MACROD2: variants seen among roughly 807,000 people sequenced by gnomAD.
The protein encoded by MACROD2 is ADP-ribose glycohydrolase MACROD2.
In MACROD2, 36 loss-of-function variants were observed where a neutral mutation model predicts 70.4. The observed-to-expected ratio is 0.51, with a 90% CI of 0.39 to 0.68. The LOEUF is 0.68. Among genes scored for constraint, MACROD2 ranks in the 30% least tolerant of loss-of-function variants. The pLI, the probability that MACROD2 is intolerant of heterozygous loss-of-function variation, is 0.00. For missense variants in MACROD2, 496 were observed against 538.4 expected, an observed-to-expected ratio of 0.92 and a Z score of 0.78; for synonymous variants, 172 against 178.8, an observed-to-expected ratio of 0.96 and a Z score of 0.30.
intron 16 of MACROD2, among the ~76,000 whole-genome samples, chr20:16,043,013 A>G (rs1436608644): frequency 6.6e-6 from 1 of 152,082 alleles, no homozygotes; most frequent in East Asian, 1.9e-4. Context: ...TGTGCAAATA[A>G]ATGAAAACTG....
At chr20:15,670,332 CAG>C (rs2049962422) in intron 8 of MACROD2, among the ~76,000 whole-genome samples, 1 of 152,168 alleles carries the variant, frequency 6.6e-6, no homozygotes, top group Non-Finnish European at 1.5e-5. Flanking sequence ...TGTTGTCAAA[CAG>C]AGGCAGAAAC....
At chr20:15,507,943 G>A (rs968238287) in intron 8 of MACROD2, among the ~76,000 whole-genome samples, 3 of 152,224 alleles carry the variant, frequency 2.0e-5, no homozygotes, top group Non-Finnish European at 4.4e-5. Flanking sequence ...AGCCAGTGAT[G>A]GGGAGGGCTC....
intron 6 of MACROD2, among the ~76,000 whole-genome samples, chr20:15,413,220 CT>C (rs11482719): frequency 5.7e-4 from 86 of 149,910 alleles, no homozygotes; most frequent in Middle Eastern, 3.5e-3. Flanking sequence ...AAATATAAAA[CT>C]TTTTTTTTTG....
intron 11 of MACROD2, among the ~76,000 whole-genome samples, chr20:15,935,051 T>G (rs1378476775): frequency 1.3e-5 from 2 of 152,184 alleles, no homozygotes; most frequent in Non-Finnish European, 1.5e-5. Context: ...ACACGCACAC[T>G]CACACACACG....
At chr20:14,939,070 G>T (rs1285898914) in intron 5 of MACROD2, among the ~76,000 whole-genome samples, 2 of 151,254 alleles carry the variant, frequency 1.3e-5, no homozygotes, top group Non-Finnish European at 2.9e-5. Context: ...TCTCTTTGGG[G>T]TTGTTTCCTT....
At chr20:14,752,647 T>G (rs930257733) in intron 5 of MACROD2, among the ~76,000 whole-genome samples, 4 of 152,120 alleles carry the variant, frequency 2.6e-5, no homozygotes, top group African/African-American at 9.7e-5. Context: ...TTTAAAATAC[T>G]TCGAGGACTT....
chr20:15,021,010 G>A (rs1466020304), intron 5 of MACROD2, among the ~76,000 whole-genome samples: 1 of 147,020 alleles, frequency 6.8e-6, no homozygotes, highest in African/African-American at 2.5e-5. Context: ...GCATACACAT[G>A]TGTATATGTA....
intron 3 of MACROD2, among the ~76,000 whole-genome samples, chr20:14,237,559 T>C (rs1450077851): frequency 1.3e-5 from 2 of 151,670 alleles, no homozygotes; most frequent in Non-Finnish European, 2.9e-5. Context: ...ATTATTATTA[T>C]ACTTTAAGTT....
intron 5 of MACROD2, among the ~76,000 whole-genome samples, chr20:14,760,780 G>A (rs933837449): frequency 4.6e-5 from 7 of 151,816 alleles, no homozygotes; most frequent in Non-Finnish European, 8.8e-5. Context: ...CCCTTTACCA[G>A]CCAACAACTA....
intron 8 of MACROD2, among the ~76,000 whole-genome samples, chr20:15,665,184 A>G (rs1280112404): frequency 6.6e-6 from 1 of 152,200 alleles, no homozygotes. Flanking sequence ...ATTGTTGAAC[A>G]TTTGAATTAA....
At chr20:14,225,939 TCTTA>T (rs1191607574) in intron 3 of MACROD2, among the ~76,000 whole-genome samples, 2 of 152,178 alleles carry the variant, frequency 1.3e-5, no homozygotes, top group Non-Finnish European at 2.9e-5. Context: ...GGCTGTAACT[TCTTA>T]CTTCCCTGAA....
intron 8 of MACROD2, among the ~76,000 whole-genome samples, chr20:15,517,281 G>T (rs2047581908): frequency 6.6e-6 from 1 of 151,868 alleles, no homozygotes; most frequent in Non-Finnish European, 1.5e-5. Context: ...CACTTATAAG[G>T]CTCTTCCTAA....
intron 5 of MACROD2, among the ~76,000 whole-genome samples, chr20:14,804,047 A>G (rs2072609779): frequency 6.6e-6 from 1 of 152,220 alleles, no homozygotes; most frequent in Non-Finnish European, 1.5e-5. Context: ...AAAATTGAGT[A>G]TCTTCATAGC....
At chr20:15,263,565 A>G (rs2077267628) in intron 6 of MACROD2, among the ~76,000 whole-genome samples, 1 of 152,052 alleles carries the variant, frequency 6.6e-6, no homozygotes, top group African/African-American at 2.4e-5. Flanking sequence ...TTTCTGTGAA[A>G]AACGTCATTG....
At chr20:14,423,641 G>A (rs1433997820) in intron 3 of MACROD2, among the ~76,000 whole-genome samples, 2 of 141,320 alleles carry the variant, frequency 1.4e-5, no homozygotes, top group African/African-American at 5.2e-5. Flanking sequence ...CGGAGCTTGC[G>A]TTGAGCTGAG....
At chr20:14,172,143 T>C (rs1422918582) in intron 3 of MACROD2, among the ~76,000 whole-genome samples, 1 of 152,126 alleles carries the variant, frequency 6.6e-6, no homozygotes, top group Non-Finnish European at 1.5e-5. Context: ...TTGCCTGATA[T>C]AGGAATAGGT....
intron 5 of MACROD2, among the ~76,000 whole-genome samples, chr20:14,797,793 G>C (rs1487222752): frequency 1.3e-5 from 2 of 152,030 alleles, no homozygotes; most frequent in African/African-American, 4.8e-5. Context: ...GATGATGCCT[G>C]CTTTACTTGA....
intron 5 of MACROD2, among the ~76,000 whole-genome samples, chr20:14,713,244 C>A (rs922515295): frequency 1.2e-4 from 19 of 152,136 alleles, no homozygotes; most frequent in Admixed American, 4.6e-4. Flanking sequence ...GCCAGGTGCT[C>A]ACTCAGATTT....
At chr20:14,211,578 T>C (rs1440540287) in intron 3 of MACROD2, among the ~76,000 whole-genome samples, 1 of 152,194 alleles carries the variant, frequency 6.6e-6, no homozygotes, top group Non-Finnish European at 1.5e-5. Context: ...AGTCTGATAG[T>C]ATAGATTGTA....
Sources: gnomAD v4.1 joint callset for allele counts (sites outside exome capture counted in the v4.1 genomes callset) on GRCh38, gnomAD v4.1.1 for gene constraint, MANE v1.5 for transcripts, NCBI Gene and HGNC (gene_info 2026-07-23, HGNC 2026-07-21) for gene names.